The following CCDC33 variants were observed in gnomAD, a reference collection of about 807,000 sequenced individuals.
The protein encoded by CCDC33 is coiled-coil domain-containing protein 33.
A neutral mutation model predicts 91.9 loss-of-function variants in CCDC33; 94 were observed. The observed-to-expected ratio is 1.02, with a 90% CI of 0.87 to 1.21. The LOEUF (loss-of-function observed/expected upper bound fraction) is 1.21, where lower values mean the gene tolerates loss of function less well. CCDC33 is among the 50% of genes most tolerant of loss of function. The pLI is 0.00. For missense variants in CCDC33, 940 were observed against 935.5 expected (o/e 1.00, Z -0.06); for synonymous variants, 396 against 374.5 (o/e 1.06, Z -0.66).
rs2060532911 is a variant in CCDC33 at position 74,334,972 on chromosome 15, C to T, written c.2026-3C>T. The T allele has an allele frequency of 1.2e-6, 2 of 1,610,194 alleles. No homozygotes were observed. The highest frequency in any genetic ancestry group is 1.7e-6 in the Non-Finnish European group (2 of 1,176,542). On this transcript the variant is annotated splice_polypyrimidine_tract_variant and splice_region_variant and intron_variant, in intron 17 of 18. Transcript: ENST00000398814. ...CTCCAATTGTCCCTCTCTGTGTCTG[C>T]AGTTAGAGGACTCAGCTCGACGCTG...
chr15:74,317,669 C>T (rs769906059), intron 11 of CCDC33, among the ~76,000 whole-genome samples: 2 of 152,220 alleles, frequency 1.3e-5, no homozygotes, highest in Non-Finnish European at 2.9e-5. Context: ...TGGTCAGCAT[C>T]TTGCTAGGTC....
intron 10 of CCDC33, among the ~76,000 whole-genome samples, chr15:74,294,453 A>C (rs79917610): frequency 2.0e-5 from 3 of 149,022 alleles, no homozygotes; most frequent in African/African-American, 7.4e-5. Context: ...AAAAAAAAAA[A>C]CAAAAAAAAA....
chr15:74,331,131 G>C lies in CCDC33; in HGVS notation c.1677+19G>C. On this transcript the variant is annotated intron_variant, in intron 14 of 18. Coordinates refer to ENST00000398814, the MANE Select transcript of CCDC33 (RefSeq NM_025055.5). ...AGAGAAGGCAGGTGGCAGAGGGGCTGCCCCCGAGGCCAACTGATGATGGCA... is the reference window on the plus strand; with the variant it reads ...AGAGAAGGCAGGTGGCAGAGGGGCTCCCCCCGAGGCCAACTGATGATGGCA... 6.2e-7 allele frequency: 1 copy of C among 1,613,274 alleles called. No individual in the cohort carries two copies. The highest frequency in any genetic ancestry group is 1.1e-5 in the South Asian group (1 of 90,974).
In CCDC33 at chr15:74,310,460, C is replaced by A. The variant is rs568850902; in HGVS notation, c.1290+14512C>A. 3.3e-5 allele frequency among the ~76,000 whole-genome samples: 5 copies of A among 151,666 alleles called. No individual in the cohort carries two copies. In the South Asian group the frequency reaches 6.3e-4, roughly 19 times the overall value. ...GCTGAAGCAGGAAAATAGCTTGAAC[C>A]CAGGAGACAGAGGTTGCAGTGAGCC... On this transcript the variant is annotated intron_variant, in intron 11 of 18. Coordinates refer to ENST00000398814, the MANE Select transcript of CCDC33 (RefSeq NM_025055.5).
upstream of CCDC33, among the ~76,000 whole-genome samples, chr15:74,214,290 C>T (rs1206506827): frequency 6.6e-6 from 1 of 152,108 alleles, no homozygotes; most frequent in Non-Finnish European, 1.5e-5. Context: ...CCATTAAGGT[C>T]TTTCACGCTG....
At chr15:74,239,018 G>A (rs1432713271) in intron 1 of CCDC33, among the ~76,000 whole-genome samples, 1 of 152,234 alleles carries the variant, frequency 6.6e-6, no homozygotes. Context: ...GAAACTAGAA[G>A]GAACATGGGG....
rs1206651294 is a variant in CCDC33 at position 74,218,812 on chromosome 15, A to T, written c.626A>T (p.Gln209Leu). Residue 209 changes from glutamine (Q) to leucine (L), a missense_variant, in exon 2 of 3, where the codon CAG (glutamine) becomes CTG (leucine). Physicochemically the swap from Gln to Leu is moderately radical, Grantham distance 113. Coordinates refer to the CCDC33 transcript ENST00000635913. The surrounding 1 kb of genome is among the most constrained non-coding windows in gnomAD (Gnocchi z 4.8). Reference sequence around the variant, plus strand: ...TCAGACAGCCCTCCCAGGGCTGGCCAGCCAGAACTGATGTCACCATGCCCA... The same window carrying T: ...TCAGACAGCCCTCCCAGGGCTGGCCTGCCAGAACTGATGTCACCATGCCCA... 3.1e-6 allele frequency: 4 copies of T among 1,280,434 alleles called. No individual in the cohort carries two copies. Among genetic ancestry groups the T allele is most frequent in the Non-Finnish European group, 4.1e-6 (4 of 983,580 alleles). 79.3% of individuals were successfully genotyped at this position (1,280,434 alleles called of 1,614,324 possible). A position where few individuals can be genotyped will look rare whatever the true frequency, so the allele number is the denominator to read the frequency against.
At chr15:74,258,805 C>G (rs551294043) in intron 2 of CCDC33, among the ~76,000 whole-genome samples, 79 of 152,282 alleles carry the variant, frequency 5.2e-4, no homozygotes, top group Admixed American at 1.0e-3. Flanking sequence ...CCCCGGGAAC[C>G]AGATGACATA....
chr15:74,283,794 T>TCGCACACA (rs2059418008), intron 10 of CCDC33, among the ~76,000 whole-genome samples: 1 of 146,220 alleles, frequency 6.8e-6, no homozygotes. Flanking sequence ...AGCCAAGAAT[T>TCGCACACA]CACACACACA....
chr15:74,269,835 A>C (rs2076267461), intron 5 of CCDC33, among the ~76,000 whole-genome samples: 1 of 152,228 alleles, frequency 6.6e-6, no homozygotes, highest in African/African-American at 2.4e-5. Context: ...AGCGCATGGC[A>C]GGAGCAGGAA....
At chr15:74,245,030 A>G (rs1402441904) in intron 2 of CCDC33, among the ~76,000 whole-genome samples, 1 of 152,098 alleles carries the variant, frequency 6.6e-6, no homozygotes, top group African/African-American at 2.4e-5. Flanking sequence ...ATGCCTGCTG[A>G]AATCCTGCCT....
At chr15:74,254,595 C>A (rs748797665) in intron 2 of CCDC33, among the ~76,000 whole-genome samples, 1 of 152,134 alleles carries the variant, frequency 6.6e-6, no homozygotes, top group Non-Finnish European at 1.5e-5. Context: ...GAAGCCCCTT[C>A]TTTCCTCGCC....
At chr15:74,336,444 T>C (rs982690636), downstream of CCDC33, 17 of 1,281,310 alleles carry the variant, frequency 1.3e-5, no homozygotes, top group Non-Finnish European at 1.6e-5. Flanking sequence ...CCCCAAAACA[T>C]CTATCATGTC....
chr15:74,327,209 C>T (rs771325439), intron 11 of CCDC33, among the ~76,000 whole-genome samples: 35 of 152,108 alleles, frequency 2.3e-4, no homozygotes, highest in Non-Finnish European at 5.9e-5. Flanking sequence ...GACTAGTCTC[C>T]GAGGAGTGGA....
intron 11 of CCDC33, chr15:74,311,405 A>G (rs1388462690): frequency 6.6e-6 from 1 of 152,188 alleles, no homozygotes; most frequent in Non-Finnish European, 1.5e-5. Flanking sequence ...ATGAGAGCCT[A>G]GGATTCAGGC....
rs374199015 is a variant in CCDC33, at chr15:74,268,327, C to T, written c.430-15C>T. ...TCTCCTTCCTCTGTGTCTTCTGCCC[C>T]AACCCTGTCTCCAGCCCACTGAGTC... On this transcript the variant is annotated splice_polypyrimidine_tract_variant and intron_variant, in intron 4 of 18. Coordinates refer to ENST00000398814, the MANE Select transcript of CCDC33 (RefSeq NM_025055.5). The T allele has an allele frequency of 6.3e-7, 1 of 1,595,248 alleles. No individual in the cohort carries two copies. Among genetic ancestry groups the T allele is most frequent in the East Asian group, 2.2e-5 (1 of 44,714 alleles).
intron 3 of CCDC33, among the ~76,000 whole-genome samples, chr15:74,263,479 G>A (rs1227107532): frequency 6.6e-6 from 1 of 152,218 alleles, no homozygotes; most frequent in African/African-American, 2.4e-5. Context: ...AAAGCCAGCT[G>A]AAGACTATGG....
At chr15:74,285,533 A>T (rs2059455650) in intron 10 of CCDC33, among the ~76,000 whole-genome samples, 1 of 151,478 alleles carries the variant, frequency 6.6e-6, no homozygotes, top group South Asian at 2.1e-4. Context: ...CCTCCTGGGG[A>T]CCTCCCTCTG....
Position 74,265,694 on chromosome 15 carries a change from T to C in CCDC33, c.320-984T>C, listed in dbSNP as rs139564115. Among the ~76,000 whole-genome samples the C allele has an allele frequency of 1.8e-3, 276 of 152,342 alleles. 4 individuals are homozygous for C. The highest frequency in any genetic ancestry group is 1.9e-3 in the Non-Finnish European group (128 of 68,038). Reference sequence around the variant, plus strand: ...GACAGTCCCGCTCACTAAACAGGACTGTCATGATTATTTATAGGACATTGG... The same window carrying C: ...GACAGTCCCGCTCACTAAACAGGACCGTCATGATTATTTATAGGACATTGG... On this transcript the variant is annotated intron_variant, in intron 3 of 18. Transcript: ENST00000398814.
Sources: gnomAD v4.1 joint callset for allele counts (sites outside exome capture counted in the v4.1 genomes callset) on GRCh38, gnomAD v4.1.1 for gene constraint, Gnocchi (gnomAD v3.1) non-coding constraint, MANE v1.5 for transcripts, NCBI Gene and HGNC (gene_info 2026-07-23, HGNC 2026-07-21) for gene names.